The following SPIDR variants were observed in gnomAD, a reference collection of about 807,000 sequenced individuals.
SPIDR encodes the protein DNA repair-scaffolding protein.
A neutral mutation model predicts 104.6 loss-of-function variants in SPIDR; 93 were observed. The ratio of observed to expected loss-of-function variants is 0.89; its 90% CI spans 0.75 to 1.06. The LOEUF (loss-of-function observed/expected upper bound fraction) is 1.06. Ranked by LOEUF, SPIDR falls within the 50% of genes least tolerant of loss-of-function variation. SPIDR has a pLI of 0.00. For missense variants in SPIDR, 1,154 were observed against 1,111.2 expected, an observed-to-expected ratio of 1.04 and a Z score of -0.55; for synonymous variants, 431 against 416.9, an observed-to-expected ratio of 1.03 and a Z score of -0.41.
intron 11 of SPIDR, among the ~76,000 whole-genome samples, chr8:47,698,283 A>C (rs948979723): frequency 4.6e-5 from 7 of 152,248 alleles, no homozygotes; most frequent in African/African-American, 1.7e-4. Flanking sequence ...CCTGTGTAAC[A>C]AAATGAATAG....
chr8:47,466,571 G>A (rs2074813087), intron 8 of SPIDR, among the ~76,000 whole-genome samples: 1 of 152,080 alleles, frequency 6.6e-6, no homozygotes, highest in African/African-American at 2.4e-5. Context: ...CAAAAAGTTA[G>A]AAAGATTGGC....
At chr8:47,646,033 A>C (rs1563410846) in intron 10 of SPIDR, among the ~76,000 whole-genome samples, 2 of 152,170 alleles carry the variant, frequency 1.3e-5, no homozygotes, top group Non-Finnish European at 2.9e-5. Context: ...CAAATTGAGA[A>C]TATATATGTA....
At chr8:47,397,529 A>G (rs1004285497) in intron 6 of SPIDR, among the ~76,000 whole-genome samples, 3 of 152,128 alleles carry the variant, frequency 2.0e-5, no homozygotes, top group Non-Finnish European at 4.4e-5. Flanking sequence ...AAGAAAGAGA[A>G]CCTGTAGGAA....
At chr8:47,405,322 GTA>G (rs59213725) in intron 6 of SPIDR, among the ~76,000 whole-genome samples, 103 of 148,022 alleles carry the variant, frequency 7.0e-4, no homozygotes, top group African/African-American at 1.0e-3. Flanking sequence ...GTGTGTGTGT[GTA>G]TATATGTGTG....
chr8:47,678,486 C>A (rs1020473295), intron 11 of SPIDR, among the ~76,000 whole-genome samples: 2 of 152,180 alleles, frequency 1.3e-5, no homozygotes, highest in Non-Finnish European at 2.9e-5. Context: ...CTCACTTCCT[C>A]CACACTCAGA....
intron 14 of SPIDR, among the ~76,000 whole-genome samples, chr8:47,710,045 T>C (rs368610404): frequency 5.3e-5 from 8 of 152,150 alleles, no homozygotes; most frequent in African/African-American, 1.9e-4. Context: ...ACCTAGCTAA[T>C]TTTTATATTT....
At position 47,701,758 on chromosome 8, in the gene SPIDR, T is replaced by A. The variant is rs767765803; in HGVS notation, c.1811T>A (p.Ile604Asn). 1.2e-6 allele frequency: 2 copies of A among 1,614,116 alleles called. No individual in the cohort carries two copies. Among genetic ancestry groups the A allele is most frequent in the Non-Finnish European group, 8.5e-7 (1 of 1,180,000 alleles). The change falls in exon 13 of 20, where the codon ATC becomes AAC. Residue 604 changes from isoleucine (I) to asparagine (N), a missense_variant. Physicochemically the swap from Ile to Asn is moderately radical, Grantham distance 149 (BLOSUM62 -3). Transcript: ENST00000297423. ...CTGCCTCCTCCAGCCTTGTGTTACATCCTCACAGCTCATCCAAATCTGGGA... is the reference window on the plus strand; with the variant it reads ...CTGCCTCCTCCAGCCTTGTGTTACAACCTCACAGCTCATCCAAATCTGGGA... ...THLPPPALCY[I>N]LTAHPNLGQI...
chr8:47,511,941 A>G lies in SPIDR; in HGVS notation c.1097+71399A>G. 5.0e-6 allele frequency: 4 copies of G among 792,950 alleles called. No homozygotes were observed. In the Admixed American group the frequency reaches 5.1e-5, roughly 10 times the overall value. The allele number at this position is 792,950 out of a possible 1,614,324, so 49.1% of individuals were successfully genotyped here. A position where few individuals can be genotyped will look rare whatever the true frequency, so the allele number is the denominator to read the frequency against. On this transcript the variant is annotated intron_variant, in intron 8 of 19. Coordinates refer to ENST00000297423, the MANE Select transcript of SPIDR (RefSeq NM_001080394.4). ...CTCTAAAGGATGTCACTCTATTATCACTAGGGGCTGTGCCTCTGGACACTG... is the reference window on the plus strand; with the variant it reads ...CTCTAAAGGATGTCACTCTATTATCGCTAGGGGCTGTGCCTCTGGACACTG...
chr8:47,478,362 C>T (rs1382567886), intron 8 of SPIDR, among the ~76,000 whole-genome samples: 7 of 152,072 alleles, frequency 4.6e-5, no homozygotes, highest in Admixed American at 2.6e-4. Flanking sequence ...TGGGGTTGTG[C>T]GTGACAGTTT....
rs566186961 is a variant in SPIDR, at chr8:47,699,170, A to G, written c.1686-1233A>G. 2.0e-5 allele frequency among the ~76,000 whole-genome samples: 3 copies of G among 152,332 alleles called. No individual in the cohort carries two copies. The East Asian group carries it at 5.8e-4, about 29-fold the overall frequency. On this transcript the variant is annotated intron_variant, in intron 11 of 19. Transcript: ENST00000297423. ...CAGCATAAAAGTTTATGGCTTTAGC[A>G]ATGACAATACTGATAACTATAGTAA...
chr8:47,271,936 G>C (rs1210828991), intron 1 of SPIDR, among the ~76,000 whole-genome samples: 1 of 152,002 alleles, frequency 6.6e-6, no homozygotes, highest in African/African-American at 2.4e-5. Context: ...GAGTAGCTGG[G>C]ATTACAAGCA....
At chr8:47,489,125 C>G (rs1166016861) in intron 8 of SPIDR, among the ~76,000 whole-genome samples, 4 of 152,204 alleles carry the variant, frequency 2.6e-5, no homozygotes, top group Admixed American at 1.3e-4. Flanking sequence ...CCCAAAATCT[C>G]CTTAAGCTGA....
At chr8:47,693,326 G>A (rs2078925282) in intron 11 of SPIDR, among the ~76,000 whole-genome samples, 1 of 152,222 alleles carries the variant, frequency 6.6e-6, no homozygotes, top group Non-Finnish European at 1.5e-5. Flanking sequence ...AAATGAACAA[G>A]TGAATTTAGG....
intron 8 of SPIDR, among the ~76,000 whole-genome samples, chr8:47,455,786 G>T (rs2072846033): frequency 6.6e-6 from 1 of 152,040 alleles, no homozygotes; most frequent in Non-Finnish European, 1.5e-5. Context: ...TTGATAAAAG[G>T]TTTAACACAG....
chr8:47,441,918 A>G (rs148621593), intron 8 of SPIDR, among the ~76,000 whole-genome samples: 1 of 152,118 alleles, frequency 6.6e-6, no homozygotes, highest in Non-Finnish European at 1.5e-5. Flanking sequence ...TTTTCTTCAT[A>G]CAATTTTAAT....
chr8:47,338,815 A>G (rs1563666988), intron 5 of SPIDR, among the ~76,000 whole-genome samples: 1 of 152,236 alleles, frequency 6.6e-6, no homozygotes, highest in Non-Finnish European at 1.5e-5. Context: ...CAGGGCTTCC[A>G]CGTATCCTAA....
At chr8:47,468,870 G>A (rs1045581955) in intron 8 of SPIDR, among the ~76,000 whole-genome samples, 4 of 152,106 alleles carry the variant, frequency 2.6e-5, no homozygotes, top group South Asian at 2.1e-4. Context: ...CCTCTGCACG[G>A]CAAAAGAAAC....
At position 47,735,627 on chromosome 8, in the gene SPIDR, A is replaced by C; in HGVS notation, c.*177A>C. ...ATACAGTTTTGTGAACTGTAAATCA[A>C]AATACCTTTTTCTACAGTTTATCTT... On this transcript the variant is annotated 3_prime_UTR_variant, in exon 20 of 20. Coordinates refer to ENST00000297423, the MANE Select transcript of SPIDR (RefSeq NM_001080394.4). The C allele has an allele frequency of 8.0e-7, 1 of 1,255,928 alleles. No individual in the cohort carries two copies. The highest frequency in any genetic ancestry group is 1.1e-6 in the Non-Finnish European group (1 of 930,470). The allele number at this position is 1,255,928 out of a possible 1,614,324, so 77.8% of individuals were successfully genotyped here. A position where few individuals can be genotyped will look rare whatever the true frequency, so the allele number is the denominator to read the frequency against.
intron 8 of SPIDR, among the ~76,000 whole-genome samples, chr8:47,579,548 G>A (rs895823464): frequency 6.6e-6 from 1 of 151,992 alleles, no homozygotes; most frequent in Non-Finnish European, 1.5e-5. Flanking sequence ...TTAGCTACAT[G>A]GCCCAGTGGC....
Sources: allele counts gnomAD v4.1 joint callset (sites outside exome capture counted in the v4.1 genomes callset), GRCh38; gene constraint gnomAD v4.1.1; transcripts MANE v1.5; gene names NCBI Gene and HGNC (gene_info 2026-07-23, HGNC 2026-07-21).